The following FER variants were observed in gnomAD, a reference collection of about 807,000 sequenced individuals.
FER encodes the protein tyrosine-protein kinase Fer.
Under a neutral mutation model 111.0 loss-of-function variants are expected in FER, and 63 were observed. The ratio of observed to expected loss-of-function variants is 0.57; its 90% confidence interval spans 0.46 to 0.70. The LOEUF (loss-of-function observed/expected upper bound fraction) is 0.70. Among genes scored for constraint, FER ranks in the 30% least tolerant of loss-of-function variants. The pLI, the probability that FER is intolerant of heterozygous loss-of-function variation, is 0.00. For synonymous variants in FER, 327 were observed against 313.9 expected, an observed-to-expected ratio of 1.04 and a Z score of -0.44; for missense variants, 914 against 954.0, an observed-to-expected ratio of 0.96 and a Z score of 0.55.
At chr5:108,879,673 C>T (rs796304334) in intron 8 of FER, among the ~76,000 whole-genome samples, 3 of 110,918 alleles carry the variant, frequency 2.7e-5, no homozygotes, top group Admixed American at 8.9e-5. Flanking sequence ...ATACTTTCAC[C>T]ATATGTATTT....
At chr5:109,038,963 A>G (rs1770774846) in intron 14 of FER, among the ~76,000 whole-genome samples, 1 of 152,072 alleles carries the variant, frequency 6.6e-6, no homozygotes, top group African/African-American at 2.4e-5. Context: ...ACGACAAGTA[A>G]TATGTCAGTC....
chr5:108,920,491 C>T (rs1046047460), intron 10 of FER, among the ~76,000 whole-genome samples: 1 of 151,224 alleles, frequency 6.6e-6, no homozygotes, highest in Non-Finnish European at 1.5e-5. Flanking sequence ...TTGTCAAAAC[C>T]CTCAAATCTG....
At chr5:108,940,636 C>T (rs548852596) in intron 10 of FER, among the ~76,000 whole-genome samples, 2 of 151,980 alleles carry the variant, frequency 1.3e-5, no homozygotes, top group Non-Finnish European at 1.5e-5. Context: ...AGGTGTAGGC[C>T]GATGTGAAAG....
At chr5:108,819,542 GT>G (rs946407328) in intron 3 of FER, among the ~76,000 whole-genome samples, 2 of 152,132 alleles carry the variant, frequency 1.3e-5, no homozygotes, top group African/African-American at 2.4e-5. Context: ...TTTCTTCATA[GT>G]GTTGATAAAA....
At chr5:108,918,928 T>C (rs1273526891) in intron 10 of FER, among the ~76,000 whole-genome samples, 3 of 152,252 alleles carry the variant, frequency 2.0e-5, no homozygotes, top group African/African-American at 7.2e-5. Flanking sequence ...TATTCTATAC[T>C]TGTTTGAGGC....
intron 13 of FER, among the ~76,000 whole-genome samples, chr5:109,036,769 T>C (rs923190235): frequency 4.6e-5 from 7 of 152,032 alleles, no homozygotes; most frequent in Non-Finnish European, 7.4e-5. Flanking sequence ...GTTGAGCCTT[T>C]TTTAGATGAT....
At chr5:108,827,129 A>G (rs1341236830) in intron 3 of FER, among the ~76,000 whole-genome samples, 1 of 152,194 alleles carries the variant, frequency 6.6e-6, no homozygotes, top group Non-Finnish European at 1.5e-5. Context: ...TGAATTTCGT[A>G]CTTGTAAAAG....
chr5:108,844,119 C>CACACATATGTGTGTGA lies in FER; in HGVS notation c.481+8315_481+8316insCATATGTGTGTGAACA, dbSNP rs1761613056. Among the ~76,000 whole-genome samples, 11 of 94,722 alleles carry CACACATATGTGTGTGA rather than the reference C, an allele frequency of 1.2e-4. No individual in the cohort carries two copies. The South Asian group carries it at 3.2e-3, about 28-fold the overall frequency. 62.1% of individuals were successfully genotyped at this position (94,722 alleles called of 152,430 possible). A position where few individuals can be genotyped will look rare whatever the true frequency, so the allele number is the denominator to read the frequency against. ...ATATGTGTGTGAACATGTGTGTGAACACATATATGTGTGTGAACATATATG... is the reference window on the plus strand; with the variant it reads ...ATATGTGTGTGAACATGTGTGTGAACACACATATGTGTGTGAACATATATGTGTGTGAACATATATG... On this transcript the variant is annotated intron_variant, in intron 5 of 19. Transcript: ENST00000281092.
At position 108,856,106 on chromosome 5, in the gene FER, T is replaced by C. The variant is rs551353420; in HGVS notation, c.482-11661T>C. Among the ~76,000 whole-genome samples the C allele has an allele frequency of 2.4e-4, 36 of 152,188 alleles. No homozygotes were observed. The South Asian group carries it at 6.2e-3, about 26-fold the overall frequency. On this transcript the variant is annotated intron_variant, in intron 5 of 19. Coordinates refer to ENST00000281092, the MANE Select transcript of FER (RefSeq NM_005246.4). ...AGGATACATCTAGTACCCCAATAAA[T>C]AGATTAGTCTTCACTTTGAACAAGG...
At chr5:108,883,098 A>G (rs1024705928) in intron 8 of FER, among the ~76,000 whole-genome samples, 3 of 151,654 alleles carry the variant, frequency 2.0e-5, no homozygotes, top group African/African-American at 7.3e-5. Context: ...TTCTTTACCT[A>G]CTTCTCTTTT....
Position 108,962,390 on chromosome 5 carries a change from TCTGA to T in FER, c.1656+3046_1656+3049del, listed in dbSNP as rs1260892426. On this transcript the variant is annotated intron_variant, in intron 13 of 19. Transcript: ENST00000281092. ...ATGTCACTTCATCAGGGAGGCCTTG[TCTGA>T]CTACCATGTATAAAATAACACATCA... is the stretch of plus-strand genomic sequence containing the variant. 3.3e-5 allele frequency among the ~76,000 whole-genome samples: 5 copies of T among 152,210 alleles called. No individual in the cohort carries two copies. The East Asian group carries it at 9.6e-4, about 29-fold the overall frequency.
At chr5:109,098,591 A>C (rs1284167074) in intron 16 of FER, among the ~76,000 whole-genome samples, 1 of 151,716 alleles carries the variant, frequency 6.6e-6, no homozygotes, top group East Asian at 1.9e-4. Flanking sequence ...TGGTTCAAGT[A>C]ATAGCTTGAA....
intron 13 of FER, among the ~76,000 whole-genome samples, chr5:108,995,526 C>T (rs187160865): frequency 2.1e-4 from 31 of 149,488 alleles, no homozygotes; most frequent in Middle Eastern, 3.5e-3. Flanking sequence ...GTTTGGTTTT[C>T]TGTTCTTGTG....
intron 5 of FER, among the ~76,000 whole-genome samples, chr5:108,858,542 C>T (rs1238676420): frequency 6.6e-6 from 1 of 151,606 alleles, no homozygotes. Flanking sequence ...TTTTATTTTC[C>T]CCCCTCCCTC....
At chr5:109,109,400 C>T (rs1316991167) in intron 17 of FER, among the ~76,000 whole-genome samples, 1 of 152,108 alleles carries the variant, frequency 6.6e-6, no homozygotes, top group African/African-American at 2.4e-5. Context: ...CCCCAACTCC[C>T]CCTCAAGTTC....
chr5:108,751,123 C>T lies in FER; in HGVS notation c.-206+3123C>T, dbSNP rs551401926. ...AGGAGAACCGCTTGAACCCGTGAGGCGGAGGTTGTGGTGAGTGGAGATCAC... is the reference window on the plus strand; with the variant it reads ...AGGAGAACCGCTTGAACCCGTGAGGTGGAGGTTGTGGTGAGTGGAGATCAC... On this transcript the variant is annotated intron_variant, in intron 1 of 19. Transcript: ENST00000281092. Among the ~76,000 whole-genome samples, 8 of 152,134 alleles carry T rather than the reference C, an allele frequency of 5.3e-5. No homozygotes were observed. In the East Asian group the frequency reaches 9.7e-4, roughly 18 times the overall value.
At chr5:109,084,041 A>G (rs1295644688) in intron 16 of FER, among the ~76,000 whole-genome samples, 1 of 152,034 alleles carries the variant, frequency 6.6e-6, no homozygotes, top group African/African-American at 2.4e-5. Flanking sequence ...AGTCTTAAGT[A>G]TAGAGCTTGA....
intron 17 of FER, 69 bp downstream of exon 17, chr5:109,100,588 T>A: frequency 1.4e-6 from 2 of 1,446,666 alleles, no homozygotes; most frequent in Non-Finnish European, 1.9e-6. Context: ...ATGTATTTGC[T>A]ACAATAGAAG....
At chr5:109,000,143 A>G (rs965536089) in intron 13 of FER, among the ~76,000 whole-genome samples, 2 of 151,782 alleles carry the variant, frequency 1.3e-5, no homozygotes, top group African/African-American at 4.8e-5. Context: ...TAAAGATGAT[A>G]TATAATATAT....
Sources: gnomAD v4.1 joint callset for allele counts (sites outside exome capture counted in the v4.1 genomes callset) on GRCh38, gnomAD v4.1.1 for gene constraint, MANE v1.5 for transcripts, NCBI Gene and HGNC (gene_info 2026-07-23, HGNC 2026-07-21) for gene names.